TAFA4: variants seen among roughly 807,000 people sequenced by gnomAD.
The protein encoded by TAFA4 is TAFA chemokine like family member 4.
In TAFA4, 20 loss-of-function variants were observed where a neutral mutation model predicts 21.1. That is an observed-to-expected ratio of 0.95 (90% CI 0.67 to 1.38). The LOEUF is 1.38. Ranked by LOEUF, TAFA4 falls within the 40% of genes most tolerant of loss-of-function variation. The pLI is 0.00. For synonymous variants in TAFA4, 71 were observed against 67.4 expected, an observed-to-expected ratio of 1.05 and a Z score of -0.26; for missense variants, 211 against 180.9, an observed-to-expected ratio of 1.17 and a Z score of -0.95.
chr3:68,825,375 T>C (rs2029471), intron 3 of TAFA4, among the ~76,000 whole-genome samples: 46,453 of 152,178 alleles, frequency 0.31, 7,706 homozygotes, highest in Non-Finnish European at 0.38. Context: ...CAGTCTATCA[T>C]TGATGGGCAT....
At chr3:68,839,773 T>C (rs1476927998) in intron 3 of TAFA4, among the ~76,000 whole-genome samples, 2 of 152,206 alleles carry the variant, frequency 1.3e-5, no homozygotes, top group Non-Finnish European at 2.9e-5. Flanking sequence ...GCTGGGTCTC[T>C]GAGGATACAG....
intron 3 of TAFA4, among the ~76,000 whole-genome samples, chr3:68,869,141 C>A (rs1186700884): frequency 6.6e-6 from 1 of 151,852 alleles, no homozygotes; most frequent in Non-Finnish European, 1.5e-5. Flanking sequence ...CACATACAAC[C>A]TGCCAAGATT....
At chr3:68,879,581 C>G (rs1164200344) in intron 3 of TAFA4, among the ~76,000 whole-genome samples, 1 of 152,174 alleles carries the variant, frequency 6.6e-6, no homozygotes, top group Non-Finnish European at 1.5e-5. Context: ...GCTGTGGGCA[C>G]TTCACAGCAG....
intron 3 of TAFA4, among the ~76,000 whole-genome samples, chr3:68,833,611 A>T (rs1419469486): frequency 2.6e-5 from 4 of 152,222 alleles, no homozygotes; most frequent in Non-Finnish European, 5.9e-5. Context: ...AACAGTCAAT[A>T]GTCTTTTTTA....
intron 3 of TAFA4, among the ~76,000 whole-genome samples, chr3:68,822,197 C>A (rs1387733): frequency 0.29 from 43,961 of 152,000 alleles, 7,394 homozygotes; most frequent in Non-Finnish European, 0.39. Flanking sequence ...GTTATTGAGT[C>A]AAAACAATTT....
At chr3:68,917,433 C>T (rs993822558) in intron 1 of TAFA4, among the ~76,000 whole-genome samples, 3 of 152,064 alleles carry the variant, frequency 2.0e-5, no homozygotes, top group Middle Eastern at 3.2e-3. Context: ...ACCTCCCCCC[C>T]TGTGTGTCAG....
intron 3 of TAFA4, among the ~76,000 whole-genome samples, chr3:68,787,978 C>T (rs1357335813): frequency 3.3e-5 from 5 of 152,122 alleles, no homozygotes; most frequent in Non-Finnish European, 1.5e-5. Context: ...CCAGTGTGTC[C>T]GGCAAAATTG....
In TAFA4 at chr3:68,833,209, C is replaced by G. The variant is rs117217610; in HGVS notation, c.130+47521G>C. Among the ~76,000 whole-genome samples the G allele has an allele frequency of 1.1e-4, 17 of 152,314 alleles. No individual in the cohort carries two copies. The East Asian group carries it at 3.1e-3, about 28-fold the overall frequency. ...TAAGCTTGCCTTCTGTGGGCTGCAT[C>G]CACTATCCAACCAGTCCCACTGATA... is the stretch of plus-strand genomic sequence containing the variant. On this transcript the variant is annotated intron_variant, in intron 3 of 5. Transcript: ENST00000295569.
chr3:68,798,634 A>G (rs1429996145), intron 3 of TAFA4, among the ~76,000 whole-genome samples: 1 of 152,232 alleles, frequency 6.6e-6, no homozygotes, highest in Non-Finnish European at 1.5e-5. Context: ...TTAGATTCAT[A>G]TAAATGTGTG....
intron 3 of TAFA4, among the ~76,000 whole-genome samples, chr3:68,808,725 G>A (rs900630533): frequency 5.9e-5 from 9 of 152,168 alleles, no homozygotes; most frequent in Non-Finnish European, 1.3e-4. Context: ...TAACAATTAA[G>A]TGTGGCACAG....
intron 3 of TAFA4, among the ~76,000 whole-genome samples, chr3:68,838,741 G>T (rs1025622942): frequency 6.6e-6 from 1 of 152,060 alleles, no homozygotes; most frequent in African/African-American, 2.4e-5. Flanking sequence ...TTAAGCCTGT[G>T]GGTCATAGTT....
chr3:68,790,853 TG>T (rs1477489436), intron 3 of TAFA4, among the ~76,000 whole-genome samples: 1 of 152,188 alleles, frequency 6.6e-6, no homozygotes, highest in Non-Finnish European at 1.5e-5. Context: ...TGGCCATTTT[TG>T]CTCTCTGGCC....
chr3:68,790,106 T>C (rs1019044742), intron 3 of TAFA4, among the ~76,000 whole-genome samples: 1 of 152,128 alleles, frequency 6.6e-6, no homozygotes, highest in African/African-American at 2.4e-5. Context: ...CGAATAGAGT[T>C]TTCAATGTAT....
At chr3:68,752,128 G>A (rs753050970) in intron 4 of TAFA4, among the ~76,000 whole-genome samples, 1 of 152,180 alleles carries the variant, frequency 6.6e-6, no homozygotes, top group Non-Finnish European at 1.5e-5. Flanking sequence ...CTTTAGACAT[G>A]CATCAAATGA....
intron 1 of TAFA4, among the ~76,000 whole-genome samples, chr3:68,919,332 T>A (rs2090035094): frequency 6.6e-6 from 1 of 152,182 alleles, no homozygotes; most frequent in African/African-American, 2.4e-5. Context: ...AAATGCCTGA[T>A]AAATCTTAAT....
intron 3 of TAFA4, among the ~76,000 whole-genome samples, chr3:68,859,489 A>T (rs1291533065): frequency 1.3e-5 from 2 of 152,152 alleles, no homozygotes; most frequent in South Asian, 4.1e-4. Context: ...GTCATAATCC[A>T]TAATAAAATA....
intron 3 of TAFA4, among the ~76,000 whole-genome samples, chr3:68,771,221 C>G (rs1180708079): frequency 6.6e-6 from 1 of 152,198 alleles, no homozygotes; most frequent in African/African-American, 2.4e-5. Flanking sequence ...TACACTAGGG[C>G]AAGAACCCCG....
intron 3 of TAFA4, among the ~76,000 whole-genome samples, chr3:68,824,761 CTTCAGAA>C (rs1387199276): frequency 3.3e-5 from 5 of 152,280 alleles, no homozygotes; most frequent in Admixed American, 3.3e-4. Flanking sequence ...GAAGCTCTGA[CTTCAGAA>C]TTCAAGGTCA....
chr3:68,882,076 A>C (rs1434269952), intron 2 of TAFA4, among the ~76,000 whole-genome samples: 1 of 152,270 alleles, frequency 6.6e-6, no homozygotes, highest in Non-Finnish European at 1.5e-5. Context: ...TTAAGTAGCC[A>C]GGCCAATCAT....
Sources: gnomAD v4.1 joint callset for allele counts (sites outside exome capture counted in the v4.1 genomes callset) on GRCh38, gnomAD v4.1.1 for gene constraint, MANE v1.5 for transcripts, NCBI Gene and HGNC (gene_info 2026-07-23, HGNC 2026-07-21) for gene names.